SIRPD: variants seen among roughly 807,000 people sequenced by gnomAD.
The protein encoded by SIRPD is signal regulatory protein delta, also known as signal-regulatory protein delta.
A neutral mutation model predicts 18.0 loss-of-function variants in SIRPD; 21 were observed. The ratio of observed to expected loss-of-function variants is 1.17; its 90% CI spans 0.83 to 1.68. The LOEUF (loss-of-function observed/expected upper bound fraction) is 1.68, where lower values mean the gene tolerates loss of function less well. SIRPD is among the 40% of genes most tolerant of loss of function. The pLI, the probability that SIRPD is intolerant of heterozygous loss-of-function variation, is 0.00. For synonymous variants in SIRPD, 106 were observed against 92.9 expected, an observed-to-expected ratio of 1.14 and a Z score of -0.81; for missense variants, 295 against 238.4, an observed-to-expected ratio of 1.24 and a Z score of -1.56.
At chr20:1,537,123 G>A (rs115229013) in intron 3 of SIRPD, 32 bp downstream of exon 3, 5 of 1,607,112 alleles carry the variant, frequency 3.1e-6, no homozygotes, top group African/African-American at 1.3e-5. Context: ...GAGCATCCCT[G>A]CATCATGGTA....
intron 2 of SIRPD, among the ~76,000 whole-genome samples, chr20:1,547,030 A>G (rs1161274510): frequency 6.6e-6 from 1 of 152,180 alleles, no homozygotes; most frequent in East Asian, 1.9e-4. Context: ...ATGAAGTCCA[A>G]TATATCTATT....
intron 2 of SIRPD, among the ~76,000 whole-genome samples, chr20:1,548,516 ATT>A (rs2123140000): frequency 6.6e-6 from 1 of 151,748 alleles, no homozygotes; most frequent in South Asian, 2.1e-4. Flanking sequence ...GTTTGCTAGT[ATT>A]TTCTTAAGGG....
At chr20:1,537,885 C>CG (rs1229026137) in intron 2 of SIRPD, among the ~76,000 whole-genome samples, 2 of 151,938 alleles carry the variant, frequency 1.3e-5, no homozygotes, top group Non-Finnish European at 2.9e-5. Flanking sequence ...GTGTGTCAAG[C>CG]GGGGGGTGCA....
At chr20:1,547,786 A>G (rs544238683) in intron 2 of SIRPD, among the ~76,000 whole-genome samples, 7 of 152,174 alleles carry the variant, frequency 4.6e-5, no homozygotes, top group African/African-American at 1.7e-4. Context: ...AAATGGGAAA[A>G]TTTTCAATTT....
chr20:1,546,806 A>C (rs1319582094), intron 2 of SIRPD, among the ~76,000 whole-genome samples: 1 of 152,180 alleles, frequency 6.6e-6, no homozygotes, highest in African/African-American at 2.4e-5. Flanking sequence ...ATTTCATTAT[A>C]GTTTTGATTT....
intron 2 of SIRPD, chr20:1,540,117 G>C: frequency 6.1e-6 from 2 of 326,248 alleles, no homozygotes; most frequent in Non-Finnish European, 1.2e-5. Context: ...TTGTGAGAAG[G>C]CAATGTGAAA....
intron 1 of SIRPD, among the ~76,000 whole-genome samples, chr20:1,555,675 A>G (rs1200877754): frequency 6.6e-6 from 1 of 152,250 alleles, no homozygotes. Context: ...TTTAAAAACA[A>G]ATAAGTTCTA....
Position 1,534,282 on chromosome 20 carries a change from A to C in SIRPD, c.*143T>G, listed in dbSNP as rs1051616836. 3.5e-5 allele frequency: 39 copies of C among 1,113,792 alleles called. No homozygotes were observed. In the African/African-American group the frequency reaches 4.9e-4, roughly 14 times the overall value. The allele number at this position is 1,113,792 out of a possible 1,614,324, so 69.0% of individuals were successfully genotyped here. The stretch of plus-strand genomic sequence containing the variant: ...CCAGGTAAATAGACAGATTTATTGT[A>C]CGATCAAGCTGGCATTTTATGTCAG... On this transcript the variant is annotated 3_prime_UTR_variant, in exon 4 of 4. Coordinates refer to ENST00000381623, the MANE Select transcript of SIRPD (RefSeq NM_178460.3).
At chr20:1,547,222 T>G (rs1376807985) in intron 2 of SIRPD, among the ~76,000 whole-genome samples, 1 of 152,232 alleles carries the variant, frequency 6.6e-6, no homozygotes, top group Non-Finnish European at 1.5e-5. Context: ...TTGTTTTCTG[T>G]GTGTGGCTAT....
chr20:1,550,230 C>T (rs755943135), intron 2 of SIRPD, among the ~76,000 whole-genome samples: 6 of 152,156 alleles, frequency 3.9e-5, no homozygotes, highest in Non-Finnish European at 5.9e-5. Flanking sequence ...TTTCAACCTG[C>T]TTAGCATTTG....
At chr20:1,545,284 C>T (rs569228613) in intron 2 of SIRPD, among the ~76,000 whole-genome samples, 1 of 152,262 alleles carries the variant, frequency 6.6e-6, no homozygotes, top group Admixed American at 6.5e-5. Flanking sequence ...TCAACATAGT[C>T]CCATATTTCT....
chr20:1,549,869 C>T lies in SIRPD; in HGVS notation c.421+1822G>A, dbSNP rs146173666. ...CATTAGTTACACCAACTACAAGAAA[C>T]GAATACATAGCTAAGTATTTTAAAA... On this transcript the variant is annotated intron_variant, in intron 2 of 3. Transcript: ENST00000381623. 2.5e-3 allele frequency among the ~76,000 whole-genome samples: 387 copies of T among 152,056 alleles called. 1 individual carries two copies. Among genetic ancestry groups the T allele is most frequent in the African/African-American group, 4.3e-3 (180 of 41,480 alleles).
At chr20:1,555,928 G>C (rs533254965) in intron 1 of SIRPD, among the ~76,000 whole-genome samples, 1 of 152,200 alleles carries the variant, frequency 6.6e-6, no homozygotes, top group Admixed American at 6.5e-5. Context: ...TTTGACTGGG[G>C]AAGTGTTCAT....
chr20:1,551,008 A>G (rs2091016611), intron 2 of SIRPD, among the ~76,000 whole-genome samples: 1 of 152,254 alleles, frequency 6.6e-6, no homozygotes, highest in Non-Finnish European at 1.5e-5. Context: ...TTGTACTTGC[A>G]GTTCAACACA....
chr20:1,546,090 C>T (rs1026560818), intron 2 of SIRPD, among the ~76,000 whole-genome samples: 4 of 152,196 alleles, frequency 2.6e-5, no homozygotes, highest in East Asian at 1.9e-4. Context: ...TCAGGAGGCA[C>T]GGGGGTCAGC....
Position 1,551,727 on chromosome 20 carries a change from AC to A in SIRPD, c.384del (p.Glu128AspfsTer80), listed in dbSNP as rs750578896. 2.5e-5 allele frequency: 41 copies of A among 1,613,908 alleles called. No homozygotes were observed. The African/African-American group carries it at 4.3e-4, about 17-fold the overall frequency. On this transcript the variant is annotated frameshift_variant, in exon 2 of 4. Transcript: ENST00000381623. LOFTEE classifies it high-confidence loss of function. ...ACCTGAGTGCCCCGACCTGATTGGT[AC>A]TCCTTGATAGCTCTTCCTTTTATGA... ...VKFIKGRAIKEYQSGRGTQVF... is the reference protein window; with the variant it reads ...VKFIKGRAIKXYQSGRGTQVF...
At chr20:1,535,457 A>G (rs1276931087) in intron 3 of SIRPD, among the ~76,000 whole-genome samples, 1 of 152,082 alleles carries the variant, frequency 6.6e-6, no homozygotes, top group Non-Finnish European at 1.5e-5. Context: ...TTATTTCACA[A>G]ATTAGTGGAT....
chr20:1,551,635 A>C, intron 2 of SIRPD, 56 bp downstream of exon 2: 1 of 1,337,574 alleles, frequency 7.5e-7, no homozygotes, highest in Non-Finnish European at 1.0e-6. Flanking sequence ...TAGAAGACAT[A>C]ACTGCTGAGA....
chr20:1,553,148 G>T (rs891122437), intron 1 of SIRPD, among the ~76,000 whole-genome samples: 1 of 152,150 alleles, frequency 6.6e-6, no homozygotes, highest in Non-Finnish European at 1.5e-5. Context: ...CTATGGGAAG[G>T]CTTTTTGCAA....
Sources: gnomAD v4.1 joint callset for allele counts (sites outside exome capture counted in the v4.1 genomes callset) on GRCh38, gnomAD v4.1.1 for gene constraint, MANE v1.5 for transcripts, NCBI Gene and HGNC (gene_info 2026-07-23, HGNC 2026-07-21) for gene names.